FAM81B: variants seen among roughly 807,000 people sequenced by gnomAD.
FAM81B encodes family with sequence similarity 81 member B, also known as protein FAM81B.
In FAM81B, 60 loss-of-function variants were observed where a neutral mutation model predicts 58.7. The ratio of observed to expected loss-of-function variants is 1.02; its 90% CI spans 0.83 to 1.27. The LOEUF (loss-of-function observed/expected upper bound fraction) is 1.27. Ranked by LOEUF, FAM81B falls within the 50% of genes most tolerant of loss-of-function variation. The probability of loss-of-function intolerance (pLI) is 0.00; values close to 1 mark genes in which losing one functional copy is unlikely to be tolerated. For missense variants in FAM81B, 491 were observed against 522.0 expected (o/e 0.94, Z 0.58); for synonymous variants, 189 against 179.6 (o/e 1.05, Z -0.42).
At chr5:95,402,972 T>G (rs1368235952) in intron 3 of FAM81B, among the ~76,000 whole-genome samples, 3 of 152,222 alleles carry the variant, frequency 2.0e-5, no homozygotes, top group Admixed American at 6.5e-5. Context: ...TCTACCTTGC[T>G]TTCCAACCTG....
chr5:95,442,405 C>T (rs984390914), intron 7 of FAM81B, among the ~76,000 whole-genome samples: 10 of 152,260 alleles, frequency 6.6e-5, no homozygotes, highest in African/African-American at 2.4e-4. Flanking sequence ...TCAATGCACC[C>T]AGCTCTGCAG....
intron 3 of FAM81B, among the ~76,000 whole-genome samples, chr5:95,400,734 C>T (rs1285005531): frequency 6.6e-6 from 1 of 152,152 alleles, no homozygotes; most frequent in African/African-American, 2.4e-5. Flanking sequence ...GGTACACATC[C>T]TTTAACTTGA....
At chr5:95,439,000 T>C (rs1438839577) in intron 7 of FAM81B, among the ~76,000 whole-genome samples, 1 of 150,828 alleles carries the variant, frequency 6.6e-6, no homozygotes, top group Non-Finnish European at 1.5e-5. Flanking sequence ...ATTTGATTTT[T>C]CTAGTACATC....
Position 95,392,841 on chromosome 5 carries a change from C to T in FAM81B, c.172C>T (p.Gln58Ter). Residue 58 changes from glutamine to a stop codon, truncating the protein, a stop_gained, in exon 2 of 10, where the codon CAG becomes TAG. Transcript: ENST00000283357. LOFTEE classifies it high-confidence loss of function. ...CTCTCCAACTGCGACTGCAGAGGAA[C>T]AGCCAGTTGAACCTGATGGCCCCCT... ...SASPTATAEE[Q>*]PVEPDGPLPG... is the part of the protein sequence containing the mutation. The T allele has an allele frequency of 1.2e-6, 2 of 1,612,570 alleles. No individual in the cohort carries two copies. The highest frequency in any genetic ancestry group is 8.5e-7 in the Non-Finnish European group (1 of 1,179,328).
chr5:95,428,480 C>A, intron 5 of FAM81B, 123 bp from the exon 6 acceptor site: 1 of 1,223,134 alleles, frequency 8.2e-7, no homozygotes, highest in Non-Finnish European at 1.2e-6. Context: ...ACTCCTATAT[C>A]TACCAACTCA....
chr5:95,422,431 C>G (rs2152765331), intron 5 of FAM81B, among the ~76,000 whole-genome samples: 1 of 152,040 alleles, frequency 6.6e-6, no homozygotes, highest in African/African-American at 2.4e-5. Context: ...ACCCACAACC[C>G]TATTTAGATG....
chr5:95,448,586 A>G, intron 9 of FAM81B, 122 bp downstream of exon 9: 1 of 909,560 alleles, frequency 1.1e-6, no homozygotes, highest in Non-Finnish European at 1.6e-6. Context: ...TTATGTATTT[A>G]TTCCACTTTT....
intron 6 of FAM81B, among the ~76,000 whole-genome samples, chr5:95,436,592 T>G (rs1198585319): frequency 6.6e-6 from 1 of 152,254 alleles, no homozygotes; most frequent in African/African-American, 2.4e-5. Flanking sequence ...CCTATTATTC[T>G]TTCCTTGAAG....
At chr5:95,395,334 GCA>G (rs1190008761) in intron 2 of FAM81B, among the ~76,000 whole-genome samples, 14 of 150,982 alleles carry the variant, frequency 9.3e-5, no homozygotes, top group African/African-American at 3.4e-4. Context: ...TCCCAGCTAC[GCA>G]GGAGGCTGAG....
chr5:95,427,715 C>G (rs1762885654), intron 5 of FAM81B, among the ~76,000 whole-genome samples: 1 of 152,052 alleles, frequency 6.6e-6, no homozygotes, highest in African/African-American at 2.4e-5. Flanking sequence ...TGACAAATAT[C>G]AAAATAATCC....
At chr5:95,441,052 T>TA (rs1745322536) in intron 7 of FAM81B, among the ~76,000 whole-genome samples, 1 of 152,090 alleles carries the variant, frequency 6.6e-6, no homozygotes. Flanking sequence ...TAATTCCGTC[T>TA]CCACCACCAT....
At chr5:95,427,460 G>A (rs1762877919) in intron 5 of FAM81B, among the ~76,000 whole-genome samples, 1 of 151,998 alleles carries the variant, frequency 6.6e-6, no homozygotes, top group African/African-American at 2.4e-5. Context: ...ATTTTTAAGG[G>A]TGATACTAAA....
At chr5:95,442,199 G>C (rs531166631) in intron 7 of FAM81B, among the ~76,000 whole-genome samples, 1 of 152,320 alleles carries the variant, frequency 6.6e-6, no homozygotes, top group East Asian at 1.9e-4. Flanking sequence ...CCTATATTAT[G>C]TAAACTGTGT....
In FAM81B at chr5:95,396,239, G is replaced by A. The variant is rs554373426; in HGVS notation, c.293+64G>A. 77 of 1,284,422 alleles carry A rather than the reference G, an allele frequency of 6.0e-5. 1 individual carries two copies. In the Middle Eastern group the frequency reaches 1.1e-3, roughly 18 times the overall value. The allele number at this position is 1,284,422 out of a possible 1,614,324, so 79.6% of individuals were successfully genotyped here. A position where few individuals can be genotyped will look rare whatever the true frequency, so the allele number is the denominator to read the frequency against. On this transcript the variant is annotated intron_variant, in intron 3 of 9. Transcript: ENST00000283357. The stretch of plus-strand genomic sequence containing the variant: ...GCATTTATTGTGACAAATCTCACAC[G>A]CAAAAAAGAAAAAATCCTGTGTTTA...
At chr5:95,435,112 A>G (rs1745049221) in intron 6 of FAM81B, among the ~76,000 whole-genome samples, 1 of 152,244 alleles carries the variant, frequency 6.6e-6, no homozygotes, top group African/African-American at 2.4e-5. Context: ...AGGACTACTC[A>G]GACATTGGCT....
intron 3 of FAM81B, among the ~76,000 whole-genome samples, chr5:95,412,316 A>G (rs752125419): frequency 3.3e-5 from 5 of 152,196 alleles, no homozygotes; most frequent in Non-Finnish European, 7.4e-5. Flanking sequence ...TTCGGTACAC[A>G]GAAATTCATT....
At chr5:95,446,824 T>TA (rs36108418) in intron 8 of FAM81B, 127 bp downstream of exon 8, 7 of 1,109,292 alleles carry the variant, frequency 6.3e-6, no homozygotes, top group African/African-American at 3.2e-5. Flanking sequence ...TTTTTTTTTT[T>TA]AAACACCACA....
rs1164258654 is a variant in FAM81B, at chr5:95,448,375, A to G, written c.1136A>G (p.His379Arg). Residue 379 changes from histidine to arginine, a missense_variant, in exon 9 of 10, where the codon CAT becomes CGT. Physicochemically the swap from His to Arg is conservative, Grantham distance 29. Coordinates refer to ENST00000283357, the MANE Select transcript of FAM81B (RefSeq NM_152548.3). ...GAAACACAACTAAGTAAAGTAAAGC[A>G]TATGGAAAATAAATTGTCCAAAAAG... ...KQETQLSKVK[H>R]MENKLSKKME... 6.2e-7 allele frequency: 1 copy of G among 1,613,338 alleles called. No individual in the cohort carries two copies. Among genetic ancestry groups the G allele is most frequent in the Non-Finnish European group, 8.5e-7 (1 of 1,179,766 alleles).
rs139988666 is a variant in FAM81B, at chr5:95,422,680, T to A, written c.656+2278T>A. Among the ~76,000 whole-genome samples the A allele has an allele frequency of 5.2e-3, 790 of 152,290 alleles. 3 individuals carry two copies. Among genetic ancestry groups the A allele is most frequent in the African/African-American group, 0.018 (757 of 41,544 alleles). On this transcript the variant is annotated intron_variant, in intron 5 of 9. Coordinates refer to ENST00000283357, the MANE Select transcript of FAM81B (RefSeq NM_152548.3). ...AACATGTTTTAAATGAAATATAATTTGGTTCAATTTGGTGGTATGCTGATG... is the reference window on the plus strand; with the variant it reads ...AACATGTTTTAAATGAAATATAATTAGGTTCAATTTGGTGGTATGCTGATG...
Sources: gnomAD v4.1 joint callset for allele counts (sites outside exome capture counted in the v4.1 genomes callset) on GRCh38, gnomAD v4.1.1 for gene constraint, MANE v1.5 for transcripts, NCBI Gene and HGNC (gene_info 2026-07-23, HGNC 2026-07-21) for gene names.